CADM1: variants seen among roughly 807,000 people sequenced by gnomAD.
The protein encoded by CADM1 is cell adhesion molecule 1.
A neutral mutation model predicts 53.1 loss-of-function variants in CADM1; 15 were observed. The ratio of observed to expected loss-of-function variants is 0.28; its 90% CI spans 0.19 to 0.44. The LOEUF is 0.44. Among genes scored for constraint, CADM1 ranks in the 20% least tolerant of loss-of-function variants. The pLI is 1.00. For synonymous variants in CADM1, 281 were observed against 243.0 expected (o/e 1.16, Z -1.45); for missense variants, 434 against 611.3 (o/e 0.71, Z 3.06).
chr11:115,313,127 A>G (rs75364788), intron 1 of CADM1, among the ~76,000 whole-genome samples: 1,847 of 152,296 alleles, frequency 0.012, 43 homozygotes, highest in African/African-American at 0.041. Flanking sequence ...TACATTAGGC[A>G]GTGACCATCA....
chr11:115,184,402 C>A (rs187276596), intron 10 of CADM1, among the ~76,000 whole-genome samples: 1 of 152,128 alleles, frequency 6.6e-6, no homozygotes, highest in African/African-American at 2.4e-5. Context: ...ATATGTTATT[C>A]TTCTTTAAGA....
intron 1 of CADM1, among the ~76,000 whole-genome samples, chr11:115,299,101 A>T (rs1944152769): frequency 6.6e-6 from 1 of 152,214 alleles, no homozygotes; most frequent in Non-Finnish European, 1.5e-5. Context: ...TCTTTTCAAA[A>T]AAATATTTTC....
At chr11:115,426,844 G>T (rs894361670) in intron 1 of CADM1, among the ~76,000 whole-genome samples, 2 of 152,156 alleles carry the variant, frequency 1.3e-5, no homozygotes, top group Non-Finnish European at 2.9e-5. Context: ...GATGAAGCAG[G>T]AAGAGGCATG....
At chr11:115,383,667 A>G (rs1252424924) in intron 1 of CADM1, among the ~76,000 whole-genome samples, 1 of 152,146 alleles carries the variant, frequency 6.6e-6, no homozygotes, top group East Asian at 1.9e-4. Flanking sequence ...TTTTCCCCCC[A>G]TGACTTGCTT....
At chr11:115,200,293 C>G (rs981177328) in intron 8 of CADM1, among the ~76,000 whole-genome samples, 1 of 152,182 alleles carries the variant, frequency 6.6e-6, no homozygotes, top group Non-Finnish European at 1.5e-5. Flanking sequence ...ACAGATGACA[C>G]ATTTCCTTAG....
intron 9 of CADM1, among the ~76,000 whole-genome samples, chr11:115,196,240 G>C (rs1290974389): frequency 1.3e-5 from 2 of 152,040 alleles, no homozygotes; most frequent in Non-Finnish European, 1.5e-5. Context: ...TCTCTCTCCA[G>C]GGAAAGACCC....
chr11:115,218,592 T>C (rs564300681), intron 5 of CADM1, among the ~76,000 whole-genome samples: 18 of 152,234 alleles, frequency 1.2e-4, no homozygotes, highest in South Asian at 2.1e-4. Flanking sequence ...GGAACCATCA[T>C]TGGGGGTAGA....
chr11:115,237,642 A>T (rs2134894952), intron 3 of CADM1, among the ~76,000 whole-genome samples: 1 of 152,322 alleles, frequency 6.6e-6, no homozygotes, highest in Non-Finnish European at 1.5e-5. Flanking sequence ...CCGAAGGTGT[A>T]AATCAGAGAT....
At chr11:115,289,593 CTTTTTTTTTTTTTTTTTT>C (rs56766047) in intron 1 of CADM1, among the ~76,000 whole-genome samples, 1 of 109,032 alleles carries the variant, frequency 9.2e-6, no homozygotes, top group Admixed American at 9.4e-5. Flanking sequence ...CTTTTTTTTT[CTTTTTTTTTTTTTTTTTT>C]TTGAGACAGA....
In CADM1 at chr11:115,174,912, T is replaced by C; in HGVS notation, c.*1562A>G. ...AGTGAAAATCCCCACACTTCTTTCTTTAAAACATGTAAATGGTAACGTGAC... is the reference window on the plus strand; with the variant it reads ...AGTGAAAATCCCCACACTTCTTTCTCTAAAACATGTAAATGGTAACGTGAC... On this transcript the variant is annotated 3_prime_UTR_variant, in exon 12 of 12. Coordinates refer to ENST00000331581, the MANE Select transcript of CADM1 (RefSeq NM_001301043.2). 1.0e-6 allele frequency: 1 copy of C among 985,758 alleles called. No homozygotes were observed. Among genetic ancestry groups the C allele is most frequent in the Non-Finnish European group, 1.2e-6 (1 of 829,876 alleles). The allele number at this position is 985,758 out of a possible 1,614,324, so 61.1% of individuals were successfully genotyped here.
chr11:115,182,224 A>G (rs1939346809), intron 10 of CADM1, among the ~76,000 whole-genome samples: 1 of 152,176 alleles, frequency 6.6e-6, no homozygotes, highest in African/African-American at 2.4e-5. Context: ...AGCTGCCCCT[A>G]GCTTGTCAAT....
intron 5 of CADM1, among the ~76,000 whole-genome samples, chr11:115,228,085 T>C (rs1273130559): frequency 1.3e-5 from 2 of 152,136 alleles, no homozygotes; most frequent in South Asian, 2.1e-4. Flanking sequence ...GGGAAGGTCA[T>C]GTGACGATGA....
At chr11:115,381,865 G>C (rs1361108409) in intron 1 of CADM1, among the ~76,000 whole-genome samples, 1 of 151,492 alleles carries the variant, frequency 6.6e-6, no homozygotes, top group African/African-American at 2.4e-5. Context: ...TTTTTTTTGA[G>C]ACAGAAGTCT....
In CADM1 at chr11:115,175,198, G is replaced by A. The variant is rs1938967919; in HGVS notation, c.*1276C>T. On this transcript the variant is annotated 3_prime_UTR_variant, in exon 12 of 12. Transcript: ENST00000331581. ...GACCTATCGAGAACTGAGAGCGACA[G>A]CAGACCAGTGTGAGAACAATACCAG... 2 of 985,716 alleles carry A rather than the reference G, an allele frequency of 2.0e-6. No homozygotes were observed. The highest frequency in any genetic ancestry group is 1.7e-5 in the African/African-American group (1 of 57,226). The allele number at this position is 985,716 out of a possible 1,614,324, so 61.1% of individuals were successfully genotyped here. A position where few individuals can be genotyped will look rare whatever the true frequency, so the allele number is the denominator to read the frequency against.
chr11:115,416,391 C>CA (rs767796550), intron 1 of CADM1, among the ~76,000 whole-genome samples: 20 of 151,974 alleles, frequency 1.3e-4, no homozygotes, highest in Non-Finnish European at 2.8e-4. Flanking sequence ...GTGAACTGTT[C>CA]AGATTGTAAA....
In CADM1 at chr11:115,392,029, A is replaced by G. The variant is rs955050296; in HGVS notation, c.124+112242T>C. Among the ~76,000 whole-genome samples the G allele has an allele frequency of 5.9e-5, 9 of 152,338 alleles. 1 individual carries two copies. The highest frequency in any genetic ancestry group is 2.6e-4 in the Admixed American group (4 of 15,308). On this transcript the variant is annotated intron_variant, in intron 1 of 11. Coordinates refer to ENST00000331581, the MANE Select transcript of CADM1 (RefSeq NM_001301043.2). ...CAAAGAACAAATATTTCTATACAAG[A>G]AAAACAACAAGTCGTTTCTGTTCAC...
intron 1 of CADM1, among the ~76,000 whole-genome samples, chr11:115,400,669 A>G (rs1296321892): frequency 0.038 from 1,047 of 27,668 alleles, 8 homozygotes; most frequent in Middle Eastern, 0.083. Context: ...GTGTATATAT[A>G]TATATATATA....
intron 1 of CADM1, among the ~76,000 whole-genome samples, chr11:115,310,374 C>T (rs1462953260): frequency 6.6e-6 from 1 of 152,092 alleles, no homozygotes; most frequent in African/African-American, 2.4e-5. Context: ...CTCAAGTCAA[C>T]ACTTGCATCC....
At chr11:115,437,016 A>C (rs1948198353) in intron 1 of CADM1, among the ~76,000 whole-genome samples, 1 of 152,220 alleles carries the variant, frequency 6.6e-6, no homozygotes, top group South Asian at 2.1e-4. Context: ...GAATCCAAGG[A>C]ATTCTTTTTG....
Sources: allele counts gnomAD v4.1 joint callset (sites outside exome capture counted in the v4.1 genomes callset), GRCh38; gene constraint gnomAD v4.1.1; transcripts MANE v1.5; gene names NCBI Gene and HGNC (gene_info 2026-07-23, HGNC 2026-07-21).